Variants in SGIP1 observed in about 807,000 individuals in gnomAD.
SGIP1 encodes the protein SH3-containing GRB2-like protein 3-interacting protein 1.
In SGIP1, 38 loss-of-function variants were observed where a neutral mutation model predicts 107.5. That is an observed-to-expected ratio of 0.35 (90% CI 0.27 to 0.46). SGIP1 has a LOEUF of 0.46. Ranked by LOEUF, SGIP1 falls within the 20% of genes least tolerant of loss-of-function variation. The pLI is 1.00. For synonymous variants in SGIP1, 365 were observed against 366.1 expected, an observed-to-expected ratio of 1.00 and a Z score of 0.03; for missense variants, 929 against 1,019.5, an observed-to-expected ratio of 0.91 and a Z score of 1.21.
chr1:66,658,462 A>G (rs891688940), intron 7 of SGIP1, among the ~76,000 whole-genome samples: 9 of 152,076 alleles, frequency 5.9e-5, no homozygotes, highest in African/African-American at 2.2e-4. Context: ...AAGAAACATT[A>G]CAACTGAGGA....
chr1:66,680,056 AC>A (rs1194022854), intron 14 of SGIP1, among the ~76,000 whole-genome samples: 6 of 152,170 alleles, frequency 3.9e-5, no homozygotes, highest in Admixed American at 2.6e-4. Context: ...TGTTTAATTA[AC>A]CCCTCACTTC....
At chr1:66,663,140 C>T (rs553711023) in intron 8 of SGIP1, among the ~76,000 whole-genome samples, 6 of 152,100 alleles carry the variant, frequency 3.9e-5, no homozygotes, top group Non-Finnish European at 8.8e-5. Context: ...TCTCACGTGG[C>T]GCACATGGGG....
chr1:66,577,681 A>G (rs1334095491), intron 1 of SGIP1, among the ~76,000 whole-genome samples: 2 of 152,116 alleles, frequency 1.3e-5, no homozygotes, highest in Non-Finnish European at 2.9e-5. Context: ...CTTTGAACAT[A>G]GGAAGTGCTC....
chr1:66,663,257 G>A (rs536506828), intron 8 of SGIP1, among the ~76,000 whole-genome samples: 27 of 151,924 alleles, frequency 1.8e-4, no homozygotes, highest in African/African-American at 6.5e-4. Context: ...CAAGCATTTG[G>A]GTTTGCAACT....
At chr1:66,648,652 G>A (rs899261905) in intron 7 of SGIP1, among the ~76,000 whole-genome samples, 9 of 152,314 alleles carry the variant, frequency 5.9e-5, no homozygotes, top group Admixed American at 1.3e-4. Flanking sequence ...CCCTATCAGA[G>A]AGAGTGATAG....
chr1:66,719,459 G>A, intron 19 of SGIP1, 54 bp downstream of exon 19: 1 of 1,413,420 alleles, frequency 7.1e-7, no homozygotes, highest in South Asian at 1.3e-5. Flanking sequence ...TATTGAGTGT[G>A]GAACAGCCTA....
chr1:66,673,669 A>G (rs2084428859), intron 12 of SGIP1, among the ~76,000 whole-genome samples: 2 of 152,230 alleles, frequency 1.3e-5, no homozygotes, highest in South Asian at 2.1e-4. Context: ...CACTCTGGGA[A>G]CCAGACCATC....
intron 8 of SGIP1, among the ~76,000 whole-genome samples, chr1:66,662,527 C>T (rs1160775606): frequency 3.3e-5 from 5 of 152,084 alleles, no homozygotes; most frequent in South Asian, 2.1e-4. Context: ...ATAGAACTGC[C>T]GTGTCATAGA....
At chr1:66,676,865 A>G (rs2085493041) in intron 12 of SGIP1, 139 bp from the exon 13 acceptor site, 1 of 646,510 alleles carries the variant, frequency 1.5e-6, no homozygotes, top group East Asian at 2.7e-5. Context: ...AAGGAGCAGC[A>G]CATTCCTAAG....
chr1:66,729,749 G>A (rs1424407387), intron 20 of SGIP1, among the ~76,000 whole-genome samples: 1 of 152,166 alleles, frequency 6.6e-6, no homozygotes, highest in Non-Finnish European at 1.5e-5. Context: ...GACAATGGTG[G>A]GAAATGAGCC....
intron 1 of SGIP1, among the ~76,000 whole-genome samples, chr1:66,610,404 T>G (rs1336123150): frequency 1.3e-5 from 2 of 152,192 alleles, no homozygotes; most frequent in Non-Finnish European, 2.9e-5. Context: ...GAGACCAGGC[T>G]CCCCTAAAAT....
chr1:66,630,814 A>G (rs1480342667), intron 2 of SGIP1, among the ~76,000 whole-genome samples: 3 of 5,248 alleles, frequency 5.7e-4, no homozygotes, highest in Non-Finnish European at 8.7e-4. Context: ...AAAGAAAGAA[A>G]GAAAGAAAGA....
chr1:66,724,880 C>T (rs17440390), intron 19 of SGIP1, among the ~76,000 whole-genome samples: 12,606 of 152,262 alleles, frequency 0.083, 738 homozygotes, highest in Non-Finnish European at 0.12. Context: ...TAACAATATT[C>T]TAAGTGATGG....
chr1:66,588,423 G>T (rs532959741), intron 1 of SGIP1, among the ~76,000 whole-genome samples: 1 of 152,088 alleles, frequency 6.6e-6, no homozygotes, highest in Non-Finnish European at 1.5e-5. Flanking sequence ...GACTGTGGAA[G>T]AAAAGTAGAG....
rs555110560 is a variant in SGIP1, at chr1:66,748,525, A to C, written c.*5430A>C. Among the ~76,000 whole-genome samples, 107 of 152,068 alleles carry C rather than the reference A, an allele frequency of 7.0e-4. No individual in the cohort carries two copies. The highest frequency in any genetic ancestry group is 2.5e-3 in the African/African-American group (103 of 41,562). The stretch of plus-strand genomic sequence containing the variant: ...GAGGAAAAGACACCTATTTGTTGGC[A>C]TTGACCATGGGTATAATAATTTATT... On this transcript the variant is annotated 3_prime_UTR_variant, in exon 25 of 25. Coordinates refer to ENST00000371037, the MANE Select transcript of SGIP1 (RefSeq NM_032291.4).
chr1:66,679,764 T>G lies in SGIP1; in HGVS notation c.814+12T>G, dbSNP rs1223996726. 9 of 1,587,670 alleles carry G rather than the reference T, an allele frequency of 5.7e-6. No individual in the cohort carries two copies. The highest frequency in any genetic ancestry group is 2.7e-5 in the African/African-American group (2 of 73,070). On this transcript the variant is annotated intron_variant, in intron 14 of 24. Transcript: ENST00000371037. ...AACAATTGGACCAGGTACGCTTTTG[T>G]TTTTTCAGTTCTGGGATGATGTGTC...
chr1:66,690,038 T>C (rs944672070), intron 16 of SGIP1, 152 bp from the exon 17 acceptor site: 2 of 897,002 alleles, frequency 2.2e-6, no homozygotes, highest in African/African-American at 1.7e-5. Context: ...CAAACTCTCA[T>C]ATAGATAGAA....
At chr1:66,732,106 T>G (rs879691739) in intron 20 of SGIP1, among the ~76,000 whole-genome samples, 19 of 152,208 alleles carry the variant, frequency 1.2e-4, no homozygotes, top group Non-Finnish European at 2.4e-4. Flanking sequence ...CAAATGTATT[T>G]CTTTAAAATA....
At position 66,689,149 on chromosome 1, in the gene SGIP1, T is replaced by A. The variant is rs113735481; in HGVS notation, c.1317T>A (p.Gly439=). Residue 439 remains glycine, a splice_region_variant and synonymous_variant, in exon 16 of 25, where the codon GGT becomes GGA. Transcript: ENST00000371037. ...GSGPGPGTTS[G]ASSPARPATP... ...TTTTAATGCTAGTTTGTTTTTCAGG[T>A]GCATCATCCCCTGCTCGACCAGCCA... The A allele has an allele frequency of 1.9e-6, 3 of 1,611,626 alleles. No homozygotes were observed. The highest frequency in any genetic ancestry group is 1.1e-5 in the South Asian group (1 of 90,638).
Sources: allele counts gnomAD v4.1 joint callset (sites outside exome capture counted in the v4.1 genomes callset), GRCh38; gene constraint gnomAD v4.1.1; transcripts MANE v1.5; gene names NCBI Gene and HGNC (gene_info 2026-07-23, HGNC 2026-07-21).